The following ELMO1 variants were observed in gnomAD, a reference collection of about 807,000 sequenced individuals.
ELMO1 encodes the protein engulfment and cell motility protein 1.
A neutral mutation model predicts 98.9 loss-of-function variants in ELMO1; 26 were observed. The ratio of observed to expected loss-of-function variants is 0.26; its 90% confidence interval spans 0.19 to 0.36. The LOEUF (loss-of-function observed/expected upper bound fraction) is 0.36. Among genes scored for constraint, ELMO1 ranks in the 10% least tolerant of loss-of-function variants. The pLI, the probability that ELMO1 is intolerant of heterozygous loss-of-function variation, is 1.00. For synonymous variants in ELMO1, 346 were observed against 346.0 expected, an observed-to-expected ratio of 1.00 and a Z score of 0.00; for missense variants, 627 against 935.2, an observed-to-expected ratio of 0.67 and a Z score of 4.30.
At chr7:37,115,621 T>C (rs954912923) in intron 14 of ELMO1, among the ~76,000 whole-genome samples, 1 of 152,074 alleles carries the variant, frequency 6.6e-6, no homozygotes, top group African/African-American at 2.4e-5. Context: ...AACATCTACA[T>C]AAAACTTATG....
intron 15 of ELMO1, among the ~76,000 whole-genome samples, chr7:37,094,299 A>C (rs1784264915): frequency 6.6e-6 from 1 of 152,194 alleles, no homozygotes; most frequent in Non-Finnish European, 1.5e-5. Context: ...AACAGTCTTC[A>C]GTGCATGAAG....
chr7:36,912,927 C>T (rs766664026), intron 16 of ELMO1, among the ~76,000 whole-genome samples: 4 of 152,158 alleles, frequency 2.6e-5, no homozygotes, highest in Non-Finnish European at 4.4e-5. Flanking sequence ...ATGTATGGCA[C>T]GTATCACTTC....
intron 16 of ELMO1, among the ~76,000 whole-genome samples, chr7:36,948,274 G>T (rs1263373631): frequency 6.6e-6 from 1 of 152,138 alleles, no homozygotes; most frequent in Admixed American, 6.5e-5. Flanking sequence ...TGGTGGGTTG[G>T]GTGAAGGACG....
chr7:37,027,843 CA>C (rs35248975), intron 15 of ELMO1, among the ~76,000 whole-genome samples: 34,532 of 141,124 alleles, frequency 0.24, 5,054 homozygotes, highest in African/African-American at 0.43. Flanking sequence ...TGAGATTTAC[CA>C]AAAAAAAAAA....
intron 15 of ELMO1, among the ~76,000 whole-genome samples, chr7:37,062,412 G>C (rs925814578): frequency 6.6e-6 from 1 of 152,174 alleles, no homozygotes; most frequent in African/African-American, 2.4e-5. Flanking sequence ...TGGGATGTCA[G>C]AAAGCCTGTC....
intron 2 of ELMO1, among the ~76,000 whole-genome samples, chr7:37,337,358 A>T (rs1800469013): frequency 6.6e-6 from 1 of 152,018 alleles, no homozygotes; most frequent in African/African-American, 2.4e-5. Context: ...GGGGAACATC[A>T]CACACCGGGG....
At chr7:37,187,243 A>C (rs901518640) in intron 13 of ELMO1, among the ~76,000 whole-genome samples, 3 of 152,184 alleles carry the variant, frequency 2.0e-5, no homozygotes, top group Admixed American at 6.5e-5. Flanking sequence ...ATTTATATGA[A>C]ACATCCAGGA....
chr7:37,259,546 T>C (rs1486531826), intron 5 of ELMO1, among the ~76,000 whole-genome samples, 196 bp from the exon 6 acceptor site: 1 of 152,176 alleles, frequency 6.6e-6, no homozygotes, highest in African/African-American at 2.4e-5. Flanking sequence ...GGTCTGCTCA[T>C]GTCACAACAG....
At chr7:37,062,038 T>C (rs1218346589) in intron 15 of ELMO1, among the ~76,000 whole-genome samples, 1 of 152,232 alleles carries the variant, frequency 6.6e-6, no homozygotes, top group Non-Finnish European at 1.5e-5. Context: ...CTAGTTGACA[T>C]AGCAGCATCC....
chr7:37,368,656 T>A (rs1345669873), intron 1 of ELMO1, among the ~76,000 whole-genome samples: 2 of 152,184 alleles, frequency 1.3e-5, no homozygotes, highest in South Asian at 2.1e-4. Flanking sequence ...GGACAGGCTT[T>A]TCATCTATTC....
chr7:37,033,736 A>G (rs937804007), intron 15 of ELMO1, among the ~76,000 whole-genome samples: 3 of 152,236 alleles, frequency 2.0e-5, no homozygotes, highest in African/African-American at 7.2e-5. Context: ...AGGGACATGA[A>G]TACTGGAGAC....
chr7:37,348,404 G>A (rs1801109856), intron 1 of ELMO1, among the ~76,000 whole-genome samples: 1 of 151,960 alleles, frequency 6.6e-6, no homozygotes, highest in South Asian at 2.1e-4. Context: ...GGTAAAGAAT[G>A]GGCAGAGAAT....
At chr7:37,154,807 A>G (rs1028526685) in intron 13 of ELMO1, among the ~76,000 whole-genome samples, 7 of 152,202 alleles carry the variant, frequency 4.6e-5, no homozygotes, top group Non-Finnish European at 1.0e-4. Context: ...CAGGAAATAC[A>G]CAGAATACCA....
chr7:37,343,713 A>G (rs915153340), intron 1 of ELMO1, among the ~76,000 whole-genome samples: 2 of 151,826 alleles, frequency 1.3e-5, no homozygotes, highest in Non-Finnish European at 2.9e-5. Context: ...AACTCTGGGT[A>G]ATCTGCCCAC....
chr7:36,952,413 C>T (rs1219680092), intron 16 of ELMO1, among the ~76,000 whole-genome samples: 4 of 152,104 alleles, frequency 2.6e-5, no homozygotes, highest in Non-Finnish European at 5.9e-5. Flanking sequence ...CAAGAGCAAG[C>T]GGGGCGGGGA....
chr7:37,425,686 G>T (rs995715099), intron 1 of ELMO1, among the ~76,000 whole-genome samples: 2 of 152,170 alleles, frequency 1.3e-5, no homozygotes, highest in African/African-American at 4.8e-5. Flanking sequence ...AAAACGTTAG[G>T]TTCCCCAAAT....
chr7:37,101,090 G>T (rs933834415), intron 14 of ELMO1, among the ~76,000 whole-genome samples: 1 of 152,226 alleles, frequency 6.6e-6, no homozygotes, highest in Non-Finnish European at 1.5e-5. Flanking sequence ...TTTACCAGCA[G>T]CTAAACCAAA....
intron 21 of ELMO1, among the ~76,000 whole-genome samples, chr7:36,857,386 A>G (rs1802283320): frequency 6.6e-6 from 1 of 152,132 alleles, no homozygotes; most frequent in African/African-American, 2.4e-5. Context: ...AACTCTAACG[A>G]ACACGCAGGT....
intron 1 of ELMO1, among the ~76,000 whole-genome samples, chr7:37,388,506 G>C (rs1802914592): frequency 6.6e-6 from 1 of 151,514 alleles, no homozygotes; most frequent in African/African-American, 2.4e-5. Flanking sequence ...GGAAAAAGGA[G>C]TATTATAATT....
Sources: allele counts gnomAD v4.1 joint callset (sites outside exome capture counted in the v4.1 genomes callset), GRCh38; gene constraint gnomAD v4.1.1; transcripts MANE v1.5; gene names NCBI Gene and HGNC (gene_info 2026-07-23, HGNC 2026-07-21).